The following RYR2 variants were observed in gnomAD, a reference collection of about 807,000 sequenced individuals.
RYR2 encodes the protein ryanodine receptor 2.
RYR2 carries 227 observed loss-of-function variants against 601.1 expected under a neutral mutation model. That is an observed-to-expected ratio of 0.38 (90% CI 0.34 to 0.42). The LOEUF (loss-of-function observed/expected upper bound fraction) is 0.42. Among genes scored for constraint, RYR2 ranks in the 10% least tolerant of loss-of-function variants. The probability of loss-of-function intolerance (pLI) is 1.00; values close to 1 mark genes in which losing one functional copy is unlikely to be tolerated. For synonymous variants in RYR2, 2,223 were observed against 2,175.1 expected (o/e 1.02, Z -0.61); for missense variants, 4,646 against 6,156.5 (o/e 0.75, Z 8.21).
At chr1:237,771,464 G>C (rs1694271820) in intron 85 of RYR2, among the ~76,000 whole-genome samples, 1 of 151,458 alleles carries the variant, frequency 6.6e-6, no homozygotes, top group Admixed American at 6.6e-5. Flanking sequence ...AATAGTTATA[G>C]AGTAATATAG....
intron 80 of RYR2, among the ~76,000 whole-genome samples, chr1:237,746,752 A>G (rs1310346946): frequency 6.6e-6 from 1 of 152,174 alleles, no homozygotes; most frequent in African/African-American, 2.4e-5. Context: ...TCTTATAAAG[A>G]GGCCGATGTT....
chr1:237,515,532 G>A (rs927649081), intron 24 of RYR2, among the ~76,000 whole-genome samples: 1 of 152,092 alleles, frequency 6.6e-6, no homozygotes, highest in Non-Finnish European at 1.5e-5. Context: ...ATGGAAGGGA[G>A]ACAAATAACT....
intron 73 of RYR2, among the ~76,000 whole-genome samples, chr1:237,722,883 C>T (rs1033435076): frequency 8.9e-6 from 1 of 112,132 alleles, no homozygotes; most frequent in Non-Finnish European, 2.3e-5. Context: ...GTGCTAAGAG[C>T]TCCTGGAATC....
At chr1:237,346,164 G>A (rs112447952) in intron 3 of RYR2, among the ~76,000 whole-genome samples, 4,220 of 151,912 alleles carry the variant, frequency 0.028, 184 homozygotes, top group African/African-American at 0.092. Flanking sequence ...CCAGGAGTTC[G>A]AGACCAGCCT....
chr1:237,324,317 ACCACTT>A (rs2149537366), intron 2 of RYR2, among the ~76,000 whole-genome samples: 1 of 152,296 alleles, frequency 6.6e-6, no homozygotes, highest in East Asian at 1.9e-4. Context: ...AACAACAACC[ACCACTT>A]TATCTTTCGG....
chr1:237,623,428 T>G (rs1318609252), intron 38 of RYR2, among the ~76,000 whole-genome samples: 2 of 141,988 alleles, frequency 1.4e-5, no homozygotes, highest in Non-Finnish European at 3.0e-5. Flanking sequence ...TCTCACTGTG[T>G]CGCCGCCCAG....
chr1:237,102,812 A>G (rs1206486300), intron 1 of RYR2, among the ~76,000 whole-genome samples: 1 of 152,126 alleles, frequency 6.6e-6, no homozygotes, highest in Non-Finnish European at 1.5e-5. Flanking sequence ...CCAAGATGGC[A>G]CCCCTGCACT....
At chr1:237,545,947 A>C (rs1398598059) in intron 25 of RYR2, among the ~76,000 whole-genome samples, 1 of 150,560 alleles carries the variant, frequency 6.6e-6, no homozygotes, top group African/African-American at 2.4e-5. Flanking sequence ...TGTAAAATAT[A>C]TATATTAATG....
rs904653584 is a variant in RYR2, at chr1:237,833,964, G to T, written c.*1317G>T. The T allele has an allele frequency of 3.3e-5, 5 of 152,258 alleles. No individual in the cohort carries two copies. Among genetic ancestry groups the T allele is most frequent in the Admixed American group, 2.0e-4 (3 of 15,270 alleles). 9.4% of individuals were successfully genotyped at this position (152,258 alleles called of 1,614,324 possible). ...TTGTTAATTTTAGAACTGTAAAACC[G>T]CTCTGATTAAACTATTTAACTAACT... On this transcript the variant is annotated 3_prime_UTR_variant, in exon 105 of 105. Transcript: ENST00000366574.
intron 92 of RYR2, among the ~76,000 whole-genome samples, chr1:237,790,253 A>T (rs902477967): frequency 6.6e-6 from 1 of 152,128 alleles, no homozygotes; most frequent in Non-Finnish European, 1.5e-5. Context: ...TTCAGAAGGT[A>T]TCATCTTTGA....
chr1:237,316,477 A>G (rs1695125244), intron 2 of RYR2, among the ~76,000 whole-genome samples: 1 of 152,188 alleles, frequency 6.6e-6, no homozygotes, highest in African/African-American at 2.4e-5. Flanking sequence ...TTTCAGATCC[A>G]AAGGCTCTGA....
chr1:237,355,478 C>T (rs1699216142), intron 3 of RYR2, among the ~76,000 whole-genome samples: 1 of 152,044 alleles, frequency 6.6e-6, no homozygotes, highest in Admixed American at 6.6e-5. Flanking sequence ...TTTGTTAAGG[C>T]ATGCCTTTAT....
chr1:237,133,174 G>A (rs1672340675), intron 1 of RYR2, among the ~76,000 whole-genome samples: 1 of 152,140 alleles, frequency 6.6e-6, no homozygotes, highest in Non-Finnish European at 1.5e-5. Context: ...TTCCGAGAAT[G>A]TAAGTGAGAT....
In RYR2 at chr1:237,784,557, C is replaced by T. The variant is rs754921908; in HGVS notation, c.12845C>T (p.Ala4282Val). 10 of 1,613,918 alleles carry T rather than the reference C, an allele frequency of 6.2e-6. No homozygotes were observed. The highest frequency in any genetic ancestry group is 1.1e-5 in the South Asian group (1 of 91,078). The stretch of plus-strand genomic sequence containing the variant: ...ATGACCGTGAAGGACATGGTCACGG[C>T]CTTCTTTTCATCCTACTGGAGTATT... ...KKMTVKDMVT[A>V]FFSSYWSIFM... Residue 4282 changes from alanine (A) to valine (V), a missense_variant, in exon 90 of 105, where the codon GCC becomes GTC. Transcript: ENST00000366574. This position sits in a 1 kb window ranked among gnomAD's most constrained non-coding sequence, Gnocchi z 7.1.
At chr1:237,576,193 C>A (rs563324499) in intron 29 of RYR2, among the ~76,000 whole-genome samples, 1 of 152,244 alleles carries the variant, frequency 6.6e-6, no homozygotes, top group East Asian at 1.9e-4. Context: ...TGATCTATAG[C>A]TTCAATCCGT....
At chr1:237,783,132 A>G (rs572564218) in intron 89 of RYR2, among the ~76,000 whole-genome samples, 1 of 152,174 alleles carries the variant, frequency 6.6e-6, no homozygotes, top group African/African-American at 2.4e-5. Flanking sequence ...AAAAGCGTAC[A>G]GTTTGCTCTC....
At chr1:237,811,811 C>T (rs1012229723) in intron 100 of RYR2, among the ~76,000 whole-genome samples, 2 of 152,122 alleles carry the variant, frequency 1.3e-5, no homozygotes, top group Non-Finnish European at 2.9e-5. Flanking sequence ...TCACGATTGC[C>T]GTTCTGAGGT....
chr1:237,697,924 T>G (rs910162954), intron 63 of RYR2, among the ~76,000 whole-genome samples: 2 of 152,184 alleles, frequency 1.3e-5, no homozygotes, highest in Non-Finnish European at 2.9e-5. Flanking sequence ...TACCTTATTT[T>G]TTCTTATTTG....
At chr1:237,777,571 G>A (rs1694768196) in intron 87 of RYR2, among the ~76,000 whole-genome samples, 1 of 152,120 alleles carries the variant, frequency 6.6e-6, no homozygotes, top group Admixed American at 6.6e-5. Flanking sequence ...TTATTTTCAT[G>A]GTTGATGTAG....
Sources: allele counts gnomAD v4.1 joint callset (sites outside exome capture counted in the v4.1 genomes callset), GRCh38; gene constraint gnomAD v4.1.1; non-coding constraint Gnocchi (gnomAD v3.1); transcripts MANE v1.5; gene names NCBI Gene and HGNC (gene_info 2026-07-23, HGNC 2026-07-21).